KALRN: variants seen among roughly 807,000 people sequenced by gnomAD.
KALRN encodes the protein kalirin RhoGEF kinase.
A neutral mutation model predicts 353.7 loss-of-function variants in KALRN; 70 were observed. The ratio of observed to expected loss-of-function variants is 0.20; its 90% CI spans 0.16 to 0.24. The LOEUF is 0.24. Among genes scored for constraint, KALRN ranks in the 10% least tolerant of loss-of-function variants. KALRN has a pLI of 1.00. For synonymous variants in KALRN, 1,391 were observed against 1,434.8 expected (o/e 0.97, Z 0.69); for missense variants, 2,791 against 3,756.7 (o/e 0.74, Z 6.72).
chr3:124,575,969 A>G (rs902265734), intron 34 of KALRN, among the ~76,000 whole-genome samples: 5 of 151,982 alleles, frequency 3.3e-5, no homozygotes, highest in African/African-American at 9.7e-5. Context: ...TATTCTGTCT[A>G]CCATTCACCT....
At chr3:124,318,044 T>C (rs1035900509) in intron 6 of KALRN, among the ~76,000 whole-genome samples, 5 of 152,206 alleles carry the variant, frequency 3.3e-5, no homozygotes, top group African/African-American at 1.2e-4. Flanking sequence ...AACCAGATCC[T>C]GGGTTTCCTG....
At chr3:124,327,470 C>T (rs1393320645) in intron 7 of KALRN, among the ~76,000 whole-genome samples, 1 of 152,148 alleles carries the variant, frequency 6.6e-6, no homozygotes, top group Non-Finnish European at 1.5e-5. Context: ...CAACTGGCTA[C>T]ATTAAATATA....
At chr3:124,509,454 C>A (rs776586286) in intron 33 of KALRN, among the ~76,000 whole-genome samples, 1 of 152,198 alleles carries the variant, frequency 6.6e-6, no homozygotes, top group Non-Finnish European at 1.5e-5. Context: ...GTGATCCACC[C>A]ACTTCGGCCT....
chr3:124,143,385 G>A (rs1210554779), intron 1 of KALRN, among the ~76,000 whole-genome samples: 1 of 152,216 alleles, frequency 6.6e-6, no homozygotes, highest in Non-Finnish European at 1.5e-5. Context: ...TGGGGCTTTA[G>A]GGTTGGGAAC....
chr3:124,578,295 G>T (rs1373611633), intron 34 of KALRN, among the ~76,000 whole-genome samples: 1 of 152,200 alleles, frequency 6.6e-6, no homozygotes, highest in Non-Finnish European at 1.5e-5. Flanking sequence ...ACAAATGGAG[G>T]CCAGGGCTTG....
At chr3:124,577,160 C>T (rs1269194599) in intron 34 of KALRN, among the ~76,000 whole-genome samples, 5 of 151,840 alleles carry the variant, frequency 3.3e-5, no homozygotes, top group African/African-American at 1.2e-4. Flanking sequence ...GCCTGAACCA[C>T]CCCCCTACCT....
intron 13 of KALRN, among the ~76,000 whole-genome samples, chr3:124,412,944 C>A (rs1000608109): frequency 1.3e-5 from 2 of 152,148 alleles, no homozygotes; most frequent in African/African-American, 4.8e-5. Flanking sequence ...TTTTTCTAGC[C>A]CTCAGTTTCT....
intron 34 of KALRN, chr3:124,584,902 T>C (rs2149292803): frequency 6.2e-7 from 1 of 1,601,776 alleles, no homozygotes; most frequent in Non-Finnish European, 8.5e-7. Flanking sequence ...GCTTCCCGTG[T>C]AGAGGTGAGT....
chr3:124,584,479 T>C (rs1038164451), intron 34 of KALRN, among the ~76,000 whole-genome samples: 6 of 152,200 alleles, frequency 3.9e-5, no homozygotes, highest in Admixed American at 6.5e-5. Context: ...CCTACCTGTT[T>C]GGTGCCAAGG....
rs143761866 is a variant in KALRN at position 124,285,444 on chromosome 3, A to G, written c.970-13347A>G. On this transcript the variant is annotated intron_variant, in intron 5 of 59. Coordinates refer to ENST00000682506, the MANE Select transcript of KALRN (RefSeq NM_001388419.1). ...TGATAGATACACTGAAAGCTCCAAG[A>G]CTTCACCACTATGCAATCTATCCGT... Among the ~76,000 whole-genome samples the G allele has an allele frequency of 3.4e-4, 52 of 152,332 alleles. No homozygotes were observed. In the East Asian group the frequency reaches 9.2e-3, roughly 27 times the overall value.
chr3:124,488,707 A>G, intron 29 of KALRN: 1 of 166,478 alleles, frequency 6.0e-6, no homozygotes, highest in Non-Finnish European at 1.3e-5. Flanking sequence ...AAACACACAC[A>G]GACACACATA....
intron 7 of KALRN, 128 bp from the exon 8 acceptor site, chr3:124,329,733 A>C (rs1377154949): frequency 3.9e-6 from 4 of 1,022,756 alleles, no homozygotes; most frequent in East Asian, 5.0e-5. Flanking sequence ...TCTACCCTCT[A>C]CAGTGGTCTC....
intron 34 of KALRN, among the ~76,000 whole-genome samples, chr3:124,573,627 C>T (rs2073788697): frequency 6.6e-6 from 1 of 152,118 alleles, no homozygotes; most frequent in Non-Finnish European, 1.5e-5. Flanking sequence ...TCAGCAACCC[C>T]CAAGTAGCTG....
intron 43 of KALRN, 53 bp downstream of exon 43, chr3:124,659,510 A>AACCT: frequency 8.8e-6 from 11 of 1,255,922 alleles, no homozygotes; most frequent in South Asian, 1.2e-5. Context: ...TCAGGCTCAG[A>AACCT]GCAGGTTCTG....
At chr3:124,245,378 C>T (rs2080998786) in intron 3 of KALRN, among the ~76,000 whole-genome samples, 1 of 152,140 alleles carries the variant, frequency 6.6e-6, no homozygotes, top group African/African-American at 2.4e-5. Flanking sequence ...TTTCTTTATC[C>T]ATTCATCTGT....
intron 31 of KALRN, 115 bp downstream of exon 31, chr3:124,491,539 T>C: frequency 1.6e-6 from 1 of 626,822 alleles, no homozygotes; most frequent in South Asian, 4.0e-5. Flanking sequence ...TGGGCCTCTT[T>C]TGGGAATGGC....
At chr3:124,670,881 A>G (rs1039234119) in intron 47 of KALRN, among the ~76,000 whole-genome samples, 5 of 152,130 alleles carry the variant, frequency 3.3e-5, no homozygotes, top group Admixed American at 6.5e-5. Flanking sequence ...ACTGACTGCC[A>G]TCCTCCGAGT....
chr3:124,723,778 G>A lies in KALRN; in HGVS notation c.*4308G>A, dbSNP rs1052348808. 6 of 152,142 alleles carry A rather than the reference G, an allele frequency of 3.9e-5. No homozygotes were observed. The highest frequency in any genetic ancestry group is 3.2e-3 in the Middle Eastern group (1 of 316). 9.4% of individuals were successfully genotyped at this position (152,142 alleles called of 1,614,324 possible). A position where few individuals can be genotyped will look rare whatever the true frequency, so the allele number is the denominator to read the frequency against. On this transcript the variant is annotated 3_prime_UTR_variant, in exon 60 of 60. Transcript: ENST00000682506. ...CTCCAGTATTTCTTATGGCAGATGC[G>A]AAGAGTAAAATGCCCTTGAAAGCAA...
At chr3:124,653,787 T>C (rs1357095092) in intron 38 of KALRN, among the ~76,000 whole-genome samples, 1 of 152,224 alleles carries the variant, frequency 6.6e-6, no homozygotes, top group Non-Finnish European at 1.5e-5. Flanking sequence ...TGTTTGTAAA[T>C]AACTTCTACT....
Sources: gnomAD v4.1 joint callset for allele counts (sites outside exome capture counted in the v4.1 genomes callset) on GRCh38, gnomAD v4.1.1 for gene constraint, MANE v1.5 for transcripts, NCBI Gene and HGNC (gene_info 2026-07-23, HGNC 2026-07-21) for gene names.